The following SOX5 variants were observed in gnomAD, a reference collection of about 807,000 sequenced individuals.
The protein encoded by SOX5 is SRY-box transcription factor 5.
SOX5 carries 9 observed loss-of-function variants against 92.0 expected under a neutral mutation model. That is an observed-to-expected ratio of 0.10 (90% CI 0.06 to 0.17). The LOEUF is 0.17. Among genes scored for constraint, SOX5 ranks in the 10% least tolerant of loss-of-function variants. The pLI, the probability that SOX5 is intolerant of heterozygous loss-of-function variation, is 1.00. For missense variants in SOX5, 642 were observed against 944.5 expected, an observed-to-expected ratio of 0.68 and a Z score of 4.20; for synonymous variants, 344 against 336.3, an observed-to-expected ratio of 1.02 and a Z score of -0.25.
intron 1 of SOX5, among the ~76,000 whole-genome samples, chr12:23,905,313 C>T (rs1234931750): frequency 6.6e-6 from 1 of 152,156 alleles, no homozygotes. Flanking sequence ...TCCTTTGCTA[C>T]CTTGTTTTCT....
intron 2 of SOX5, among the ~76,000 whole-genome samples, chr12:23,858,068 T>C (rs1037757501): frequency 1.1e-5 from 1 of 88,948 alleles, no homozygotes; most frequent in Non-Finnish European, 2.8e-5. Flanking sequence ...AATATGCCTG[T>C]ATGTGTGTGT....
At chr12:24,092,095 T>G (rs1299404297) in intron 4 of SOX5, among the ~76,000 whole-genome samples, 2 of 152,298 alleles carry the variant, frequency 1.3e-5, no homozygotes, top group African/African-American at 4.8e-5. Context: ...ACTTTTAAAA[T>G]GTAATCAGTA....
intron 1 of SOX5, among the ~76,000 whole-genome samples, chr12:24,472,722 G>C (rs550517335): frequency 1.2e-3 from 176 of 152,160 alleles, no homozygotes; most frequent in African/African-American, 4.1e-3. Context: ...GAAGCCTTCA[G>C]TTGCCAGAGC....
At chr12:23,740,385 G>A (rs895459860) in intron 5 of SOX5, among the ~76,000 whole-genome samples, 6 of 151,924 alleles carry the variant, frequency 3.9e-5, no homozygotes, top group African/African-American at 7.3e-5. Context: ...TTTGTCCACG[G>A]TCATTACCCT....
intron 4 of SOX5, among the ~76,000 whole-genome samples, chr12:24,060,592 C>G (rs557537494): frequency 1.3e-5 from 2 of 152,132 alleles, no homozygotes; most frequent in African/African-American, 4.8e-5. Context: ...TCTTTTCCTA[C>G]GGGAAACAAC....
intron 3 of SOX5, among the ~76,000 whole-genome samples, chr12:24,231,991 GATTTT>G (rs1014059839): frequency 3.3e-5 from 5 of 152,118 alleles, no homozygotes; most frequent in African/African-American, 1.2e-4. Flanking sequence ...ATTTCTTTGT[GATTTT>G]ATAATTATCT....
Position 23,575,662 on chromosome 12 carries a change from T to C in SOX5, c.1341A>G (p.Ile447Met). ...LASPSARVST[I>M]GYLNDHDAVT... is the part of the protein sequence containing the mutation. ...AAGAACAAAAGAAACAGAACTTACC[T>C]ATTGTGCTAACTCTGGCTGAAGGAC... Residue 447 changes from isoleucine (I) to methionine (M), a missense_variant and splice_region_variant, in exon 10 of 15, where the codon ATA becomes ATG. Ile to Met is a conservative substitution (Grantham distance 10). Coordinates refer to ENST00000451604, the MANE Select transcript of SOX5 (RefSeq NM_006940.6). The C allele has an allele frequency of 6.2e-7, 1 of 1,613,990 alleles. No homozygotes were observed. The highest frequency in any genetic ancestry group is 1.3e-5 in the African/African-American group (1 of 75,062).
intron 1 of SOX5, among the ~76,000 whole-genome samples, chr12:23,937,413 T>A (rs531985312): frequency 1.1e-3 from 161 of 151,086 alleles, no homozygotes; most frequent in African/African-American, 3.7e-3. Context: ...ATCCATAGCA[T>A]GATTTTCCTT....
intron 4 of SOX5, among the ~76,000 whole-genome samples, chr12:24,170,225 A>G (rs971751816): frequency 3.3e-5 from 5 of 152,228 alleles, no homozygotes; most frequent in African/African-American, 1.2e-4. Flanking sequence ...TGCCATCCGC[A>G]AAATAGCAGG....
chr12:23,778,862 C>A (rs2141701259), intron 3 of SOX5, among the ~76,000 whole-genome samples: 1 of 152,242 alleles, frequency 6.6e-6, no homozygotes, highest in Middle Eastern at 3.4e-3. Context: ...CAAGAAGGAT[C>A]TGCAGTAGGC....
chr12:23,713,217 G>A (rs1329105693), intron 6 of SOX5, among the ~76,000 whole-genome samples: 1 of 152,184 alleles, frequency 6.6e-6, no homozygotes, highest in Non-Finnish European at 1.5e-5. Context: ...GGATGGCCAG[G>A]CGGCTGGCTG....
At chr12:24,174,875 C>A (rs2139188137) in intron 4 of SOX5, among the ~76,000 whole-genome samples, 1 of 152,106 alleles carries the variant, frequency 6.6e-6, no homozygotes, top group South Asian at 2.1e-4. Context: ...AATCACCAAG[C>A]ACCCAATGAA....
At chr12:24,408,555 C>T (rs946766116) in intron 1 of SOX5, among the ~76,000 whole-genome samples, 1 of 152,152 alleles carries the variant, frequency 6.6e-6, no homozygotes, top group African/African-American at 2.4e-5. Context: ...CCCCACCCTC[C>T]TTAACCCCTG....
chr12:23,664,128 C>A (rs2139392263), intron 7 of SOX5, among the ~76,000 whole-genome samples: 1 of 152,216 alleles, frequency 6.6e-6, no homozygotes, highest in Non-Finnish European at 1.5e-5. Context: ...TAAGAAATTA[C>A]AACCCATTTC....
intron 3 of SOX5, among the ~76,000 whole-genome samples, chr12:23,773,768 G>A (rs952267366): frequency 6.6e-6 from 1 of 151,854 alleles, no homozygotes; most frequent in Non-Finnish European, 1.5e-5. Context: ...GAGATACAAA[G>A]ACACCAGTCA....
At chr12:24,486,008 A>G (rs993113919) in intron 1 of SOX5, among the ~76,000 whole-genome samples, 2 of 152,202 alleles carry the variant, frequency 1.3e-5, no homozygotes, top group Admixed American at 6.5e-5. Context: ...GCTGGAATGC[A>G]GTGGTTCCAT....
intron 8 of SOX5, among the ~76,000 whole-genome samples, chr12:23,608,444 C>T (rs1444188036): frequency 6.6e-6 from 1 of 152,146 alleles, no homozygotes; most frequent in Non-Finnish European, 1.5e-5. Context: ...CTTCCTGGTA[C>T]TCAAAGTTCA....
chr12:23,792,971 C>T (rs1005039864), intron 3 of SOX5, among the ~76,000 whole-genome samples: 1 of 151,970 alleles, frequency 6.6e-6, no homozygotes, highest in African/African-American at 2.4e-5. Context: ...CTACTGAGAC[C>T]TTAATTAAGG....
At chr12:23,750,255 A>T (rs2141148171) in intron 4 of SOX5, among the ~76,000 whole-genome samples, 1 of 152,082 alleles carries the variant, frequency 6.6e-6, no homozygotes, top group Admixed American at 6.6e-5. Flanking sequence ...ATGTAAAATC[A>T]GAATTAAATA....
Sources: allele counts gnomAD v4.1 joint callset (sites outside exome capture counted in the v4.1 genomes callset), GRCh38; gene constraint gnomAD v4.1.1; transcripts MANE v1.5; gene names NCBI Gene and HGNC (gene_info 2026-07-23, HGNC 2026-07-21).